The following ADCY1 variants were observed in gnomAD, a reference collection of about 807,000 sequenced individuals.
ADCY1 encodes the protein adenylate cyclase 1, also known as adenylate cyclase type 1.
Under a neutral mutation model 105.4 loss-of-function variants are expected in ADCY1, and 28 were observed. The observed-to-expected ratio is 0.27, with a 90% CI of 0.20 to 0.36. The LOEUF (loss-of-function observed/expected upper bound fraction) is 0.36. Among genes scored for constraint, ADCY1 ranks in the 10% least tolerant of loss-of-function variants. The pLI is 1.00. For synonymous variants in ADCY1, 655 were observed against 623.8 expected (o/e 1.05, Z -0.75); for missense variants, 977 against 1,434.2 (o/e 0.68, Z 5.15).
intron 9 of ADCY1, 41 bp downstream of exon 9, chr7:45,678,104 G>A (rs548086593): frequency 1.7e-5 from 28 of 1,613,636 alleles, no homozygotes; most frequent in South Asian, 1.5e-4. Context: ...TGCTGCTTGC[G>A]AAGGCGCTGC....
chr7:45,683,070 T>C (rs978960674), intron 11 of ADCY1, among the ~76,000 whole-genome samples: 1 of 152,176 alleles, frequency 6.6e-6, no homozygotes, highest in Non-Finnish European at 1.5e-5. Context: ...CCCATTGGGA[T>C]GACAGGAGTG....
chr7:45,636,983 C>T (rs146421650), intron 4 of ADCY1, among the ~76,000 whole-genome samples: 39 of 152,290 alleles, frequency 2.6e-4, no homozygotes, highest in African/African-American at 8.4e-4. Flanking sequence ...CCTTGCCATT[C>T]GCTTTTTGTC....
At chr7:45,673,392 G>T (rs1204060002) in intron 8 of ADCY1, among the ~76,000 whole-genome samples, 1 of 152,102 alleles carries the variant, frequency 6.6e-6, no homozygotes, top group Non-Finnish European at 1.5e-5. Context: ...ATTTGTCAGT[G>T]AAACCATCTG....
At chr7:45,656,824 C>A (rs542624123) in intron 5 of ADCY1, among the ~76,000 whole-genome samples, 46 of 152,274 alleles carry the variant, frequency 3.0e-4, no homozygotes, top group Middle Eastern at 3.4e-3. Context: ...ACCCCTTAGT[C>A]CTTGGAGCTT....
intron 11 of ADCY1, 32 bp from the exon 12 acceptor site, chr7:45,684,946 AG>A (rs773355968): frequency 6.3e-6 from 10 of 1,580,206 alleles, no homozygotes; most frequent in African/African-American, 1.3e-5. Flanking sequence ...TGGTAATCAG[AG>A]GGTATTTTCT....
intron 3 of ADCY1, among the ~76,000 whole-genome samples, chr7:45,620,696 G>A (rs1793867329): frequency 6.6e-6 from 1 of 152,252 alleles, no homozygotes; most frequent in African/African-American, 2.4e-5. Flanking sequence ...AGAGAAAAAC[G>A]AGTTATCATC....
Position 45,686,494 on chromosome 7 carries a change from C to G in ADCY1, c.2328-53C>G. The G allele has an allele frequency of 1.4e-5, 22 of 1,571,182 alleles. No individual in the cohort carries two copies. Among genetic ancestry groups the G allele is most frequent in the Non-Finnish European group, 1.8e-5 (21 of 1,155,546 alleles). On this transcript the variant is annotated intron_variant, in intron 13 of 19. Transcript: ENST00000297323. This position sits in a 1 kb window ranked among gnomAD's most constrained non-coding sequence, Gnocchi z 4.3. ...CAGTTCTTGGGTTTGGTGGCAGAGT[C>G]TTGCCCTGGAAGCTCGGCACTGACT...
At chr7:45,592,566 C>T (rs1424025296) in intron 1 of ADCY1, among the ~76,000 whole-genome samples, 193 bp from the exon 2 acceptor site, 1 of 152,234 alleles carries the variant, frequency 6.6e-6, no homozygotes, top group African/African-American at 2.4e-5. Context: ...GACATGCTGT[C>T]TCACAGCCGC....
In ADCY1 at chr7:45,686,549, G is replaced by C. The variant is rs764534542; in HGVS notation, c.2330G>C (p.Gly777Ala). 4 of 1,610,222 alleles carry C rather than the reference G, an allele frequency of 2.5e-6. No individual in the cohort carries two copies. Among genetic ancestry groups the C allele is most frequent in the Non-Finnish European group, 2.5e-6 (3 of 1,177,608 alleles). ...LELSGYTRTG[G>A]GAVSGRSYEP... ...TTTTCTTCCTCATCTTCCCCCAGGG[G>C]TGGTGCCGTCTCCGGGCGCAGCTAC... The change falls in exon 14 of 20, where the codon GGT becomes GCT. Residue 777 changes from glycine to alanine, a missense_variant and splice_region_variant. Around this residue, in one of 7 missense-constraint regions of ADCY1, gnomAD observed 275 missense variants for 362.1 expected, o/e 0.76. Coordinates refer to ENST00000297323, the MANE Select transcript of ADCY1 (RefSeq NM_021116.4). The surrounding 1 kb of genome is among the most constrained non-coding windows in gnomAD (Gnocchi z 4.3).
intron 2 of ADCY1, among the ~76,000 whole-genome samples, chr7:45,600,610 G>A (rs1793203761): frequency 6.6e-6 from 1 of 152,250 alleles, no homozygotes; most frequent in Non-Finnish European, 1.5e-5. Flanking sequence ...GAGGCAGCCC[G>A]GGGCTGGTGT....
chr7:45,658,748 C>T (rs1438898708), intron 6 of ADCY1, among the ~76,000 whole-genome samples: 1 of 152,256 alleles, frequency 6.6e-6, no homozygotes, highest in Non-Finnish European at 1.5e-5. Flanking sequence ...ACTGTGGTGA[C>T]TGGAAGTTTC....
rs148437204 is a variant in ADCY1, at chr7:45,644,383, G to A, written c.1021-4287G>A. Among the ~76,000 whole-genome samples, 332 of 152,296 alleles carry A rather than the reference G, an allele frequency of 2.2e-3. 1 individual carries two copies. The highest frequency in any genetic ancestry group is 3.5e-3 in the Non-Finnish European group (239 of 68,024). On this transcript the variant is annotated intron_variant, in intron 4 of 19. Coordinates refer to ENST00000297323, the MANE Select transcript of ADCY1 (RefSeq NM_021116.4). The stretch of plus-strand genomic sequence containing the variant: ...GCAGGGTCAGAGTGCACTGGCCTAT[G>A]TGAGCCCTTTTTGTTCTAGACCCTT...
chr7:45,600,155 G>T (rs543875035), intron 2 of ADCY1, among the ~76,000 whole-genome samples: 1 of 152,354 alleles, frequency 6.6e-6, no homozygotes, highest in South Asian at 2.1e-4. Flanking sequence ...GATCTGCTGT[G>T]CTGTGGGCAT....
chr7:45,711,793 A>G (rs1336302555), intron 19 of ADCY1, among the ~76,000 whole-genome samples: 2 of 129,284 alleles, frequency 1.5e-5, no homozygotes, highest in African/African-American at 2.8e-5. Context: ...AAGTGTAAAT[A>G]TATATACTTA....
At position 45,575,290 on chromosome 7, in the gene ADCY1, C is replaced by G. The variant is rs1792301218; in HGVS notation, c.639+108C>G. 7.2e-7 allele frequency: 1 copy of G among 1,382,574 alleles called. No individual in the cohort carries two copies. The highest frequency in any genetic ancestry group is 9.6e-7 in the Non-Finnish European group (1 of 1,043,320). 85.6% of individuals were successfully genotyped at this position (1,382,574 alleles called of 1,614,324 possible). On this transcript the variant is annotated intron_variant, in intron 1 of 19. Coordinates refer to ENST00000297323, the MANE Select transcript of ADCY1 (RefSeq NM_021116.4). The surrounding 1 kb of genome is among the most constrained non-coding windows in gnomAD (Gnocchi z 4.7). ...TTTTCCTATGCGGCGGGTGGGGACA[C>G]TGAGGCTCCGAGTGGGGGTGTGTTC...
In ADCY1 at chr7:45,622,056, G is replaced by A. The variant is rs114018633; in HGVS notation, c.909-576G>A. ...CAGTGCTGTGATAAATAGACACTCA[G>A]TACGTAGAGGCTTTGATGCAAGACA... On this transcript the variant is annotated intron_variant, in intron 3 of 19. Transcript: ENST00000297323. Among the ~76,000 whole-genome samples the A allele has an allele frequency of 4.3e-3, 659 of 152,308 alleles. 3 individuals are homozygous for A. Among genetic ancestry groups the A allele is most frequent in the African/African-American group, 0.015 (621 of 41,556 alleles).
chr7:45,657,872 G>A lies in ADCY1; in HGVS notation c.1294G>A (p.Ala432Thr). ...GACCTTGGCCAATGTCATGGAAGCC[G>A]CTGGCCTGCCAGGGTAAGTCGGGGA... ...DVTLANVMEAAGLPGKVHITK... is the reference protein window; with the variant it reads ...DVTLANVMEATGLPGKVHITK... The change falls in exon 6 of 20, where the codon GCT becomes ACT. Residue 432 changes from alanine (A) to threonine (T), a missense_variant. Ala to Thr is a moderately conservative substitution (Grantham distance 58). Around this residue, in one of 7 missense-constraint regions of ADCY1, gnomAD observed 66 missense variants for 127.2 expected, o/e 0.52. Coordinates refer to ENST00000297323, the MANE Select transcript of ADCY1 (RefSeq NM_021116.4). 1.2e-6 allele frequency: 2 copies of A among 1,611,462 alleles called. No individual in the cohort carries two copies. The highest frequency in any genetic ancestry group is 1.7e-6 in the Non-Finnish European group (2 of 1,179,082).
In ADCY1 at chr7:45,722,052, C is replaced by T; in HGVS notation, c.*8057C>T. The T allele has an allele frequency of 5.3e-6, 2 of 380,824 alleles. No homozygotes were observed. Among genetic ancestry groups the T allele is most frequent in the Non-Finnish European group, 4.7e-6 (1 of 215,018 alleles). 23.6% of individuals were successfully genotyped at this position (380,824 alleles called of 1,614,324 possible). A position where few individuals can be genotyped will look rare whatever the true frequency, so the allele number is the denominator to read the frequency against. ...GGGCAGTGGGAAGCTGGCCCGACGG[C>T]AGCCAGAACTTGTTTCTCACCTCCC... On this transcript the variant is annotated 3_prime_UTR_variant, in exon 20 of 20. Coordinates refer to ENST00000297323, the MANE Select transcript of ADCY1 (RefSeq NM_021116.4).
At chr7:45,678,381 CCA>C (rs1784501236) in intron 10 of ADCY1, 118 bp downstream of exon 10, 1 of 956,984 alleles carries the variant, frequency 1.0e-6, no homozygotes, top group South Asian at 1.4e-5. Context: ...GCTTCGTCTC[CCA>C]CAGTTATTGT....
Sources: allele counts gnomAD v4.1 joint callset (sites outside exome capture counted in the v4.1 genomes callset), GRCh38; gene constraint gnomAD v4.1.1; regional missense constraint gnomAD v4.1.1; non-coding constraint Gnocchi (gnomAD v3.1); transcripts MANE v1.5; gene names NCBI Gene and HGNC (gene_info 2026-07-23, HGNC 2026-07-21).